AKAP12: variants seen among roughly 807,000 people sequenced by gnomAD.
AKAP12 encodes A-kinase anchoring protein 12, also known as A-kinase anchor protein 12.
In AKAP12, 32 loss-of-function variants were observed where a neutral mutation model predicts 79.9. That is an observed-to-expected ratio of 0.40 (90% CI 0.30 to 0.54). The LOEUF (loss-of-function observed/expected upper bound fraction) is 0.54, where lower values mean the gene tolerates loss of function less well. Ranked by LOEUF, AKAP12 falls within the 20% of genes least tolerant of loss-of-function variation. The pLI is 0.48. For missense variants in AKAP12, 2,074 were observed against 2,177.0 expected (o/e 0.95, Z 0.94); for synonymous variants, 808 against 857.0 (o/e 0.94, Z 1.00).
In AKAP12 at chr6:151,352,039, A is replaced by C. The variant is rs1201163118; in HGVS notation, c.3648A>C (p.Ala1216=). ...GCACAGAAGCAGAGGCAGTTCCTGC[A>C]CAGAAAGAGAGGCCTCCAGCACCTT... The part of the protein sequence containing the change: ...SGGTEAEAVP[A]QKERPPAPSS... The change falls in exon 4 of 5, where the codon GCA becomes GCC. Residue 1216 remains alanine, a synonymous_variant. Coordinates refer to ENST00000402676, the MANE Select transcript of AKAP12 (RefSeq NM_005100.4). The C allele has an allele frequency of 8.7e-6, 14 of 1,614,040 alleles. No individual in the cohort carries two copies. The highest frequency in any genetic ancestry group is 1.1e-5 in the Non-Finnish European group (13 of 1,180,036).
At chr6:151,343,797 AG>A (rs1488889134) in intron 3 of AKAP12, 2 of 288,000 alleles carry the variant, frequency 6.9e-6, no homozygotes, top group Non-Finnish European at 1.3e-5. Context: ...AAAGAAAAAA[AG>A]AAAAAAGAAA....
intron 2 of AKAP12, among the ~76,000 whole-genome samples, chr6:151,279,641 ACTGCTCGGTGAGG>A (rs1318367636): frequency 6.6e-6 from 1 of 152,068 alleles, no homozygotes; most frequent in Non-Finnish European, 1.5e-5. Context: ...GACCCTTAAC[ACTGCTCGGTGAGG>A]CATTTAAATA....
At chr6:151,275,420 A>G (rs544609121) in intron 2 of AKAP12, among the ~76,000 whole-genome samples, 2 of 152,284 alleles carry the variant, frequency 1.3e-5, no homozygotes, top group South Asian at 2.1e-4. Context: ...TTTTCCATCT[A>G]GAAAAGGGGA....
intron 2 of AKAP12, among the ~76,000 whole-genome samples, chr6:151,299,550 T>TAG (rs754668797): frequency 1.4e-4 from 21 of 152,278 alleles, no homozygotes; most frequent in Non-Finnish European, 2.5e-4. Context: ...CCTCTTCCTC[T>TAG]CCCTCTTTGT....
In AKAP12 at chr6:151,265,276, C is replaced by A. The variant is rs546546095; in HGVS notation, c.162+24552C>A. ...GTAACTCACATACCATATAGTTTACCCCTTTAAAGTGTACAGGTCAGTGGG... is the reference window on the plus strand; with the variant it reads ...GTAACTCACATACCATATAGTTTACACCTTTAAAGTGTACAGGTCAGTGGG... On this transcript the variant is annotated intron_variant, in intron 2 of 4. Coordinates refer to ENST00000402676, the MANE Select transcript of AKAP12 (RefSeq NM_005100.4). Among the ~76,000 whole-genome samples the A allele has an allele frequency of 5.4e-4, 82 of 151,486 alleles. No individual in the cohort carries two copies. The South Asian group carries it at 0.017, about 31-fold the overall frequency.
chr6:151,313,886 A>G (rs371542410), intron 3 of AKAP12, among the ~76,000 whole-genome samples: 3 of 152,170 alleles, frequency 2.0e-5, no homozygotes, highest in Non-Finnish European at 4.4e-5. Context: ...TCTGTGGCTA[A>G]TATCAATATG....
intron 3 of AKAP12, among the ~76,000 whole-genome samples, chr6:151,334,661 G>C (rs1261160770): frequency 6.8e-6 from 1 of 146,070 alleles, no homozygotes; most frequent in Non-Finnish European, 1.5e-5. Context: ...TTGCTCTGTC[G>C]CCCAGGCTGG....
intron 3 of AKAP12, among the ~76,000 whole-genome samples, chr6:151,314,745 GTAACAGTC>G (rs1159266844): frequency 6.6e-6 from 1 of 152,160 alleles, no homozygotes; most frequent in African/African-American, 2.4e-5. Context: ...GCTTGCCCAA[GTAACAGTC>G]TAAGAATTAG....
At chr6:151,255,985 C>T (rs1393529304) in intron 2 of AKAP12, among the ~76,000 whole-genome samples, 1 of 151,982 alleles carries the variant, frequency 6.6e-6, no homozygotes, top group Non-Finnish European at 1.5e-5. Context: ...TAAACATGCT[C>T]ATGTACCAGG....
chr6:151,272,779 G>T (rs554916867), intron 2 of AKAP12, among the ~76,000 whole-genome samples: 1 of 152,148 alleles, frequency 6.6e-6, no homozygotes, highest in African/African-American at 2.4e-5. Context: ...TGATCCACCC[G>T]CCTTGGCCTC....
chr6:151,324,660 G>C, intron 3 of AKAP12: 1 of 984,284 alleles, frequency 1.0e-6, no homozygotes, highest in Non-Finnish European at 1.2e-6. Context: ...GGTGTTAATG[G>C]GTCAGGCAGG....
chr6:151,342,879 C>T (rs1475490860), intron 3 of AKAP12, among the ~76,000 whole-genome samples: 1 of 152,174 alleles, frequency 6.6e-6, no homozygotes, highest in Non-Finnish European at 1.5e-5. Flanking sequence ...TCTCCTGCCT[C>T]AGCCTCCCAA....
chr6:151,319,084 C>T (rs1216108545), intron 3 of AKAP12, among the ~76,000 whole-genome samples: 2 of 152,076 alleles, frequency 1.3e-5, no homozygotes, highest in Non-Finnish European at 1.5e-5. Flanking sequence ...AATATTTATT[C>T]TACATCACTT....
At chr6:151,325,366 C>A (rs1471980616) in intron 3 of AKAP12, 4 of 985,430 alleles carry the variant, frequency 4.1e-6, no homozygotes, top group Non-Finnish European at 4.8e-6. Context: ...ATTAGTAAAT[C>A]GGTGCCAGGA....
intron 2 of AKAP12, among the ~76,000 whole-genome samples, chr6:151,300,627 G>A (rs953182377): frequency 1.3e-5 from 2 of 152,072 alleles, no homozygotes; most frequent in African/African-American, 4.8e-5. Flanking sequence ...GTTTTTCTGT[G>A]GTGCCTTGGC....
chr6:151,315,457 C>T (rs575888501), intron 3 of AKAP12, among the ~76,000 whole-genome samples: 22 of 152,182 alleles, frequency 1.4e-4, no homozygotes, highest in Non-Finnish European at 2.9e-4. Context: ...AAAGGCCCCA[C>T]CCTCTAATAT....
chr6:151,352,470 A>G lies in AKAP12; in HGVS notation c.4079A>G (p.His1360Arg). 1 of 1,614,228 alleles carries G rather than the reference A, an allele frequency of 6.2e-7. No individual in the cohort carries two copies. Among genetic ancestry groups the G allele is most frequent in the Non-Finnish European group, 8.5e-7 (1 of 1,180,038 alleles). ...CATGTGAATGAAGAGAAGCTTGAGCACGAAACAGCTGTTACCGTATCTGAA... is the reference window on the plus strand; with the variant it reads ...CATGTGAATGAAGAGAAGCTTGAGCGCGAAACAGCTGTTACCGTATCTGAA... ...PTHVNEEKLE[H>R]ETAVTVSEEV... Residue 1360 changes from histidine (H) to arginine (R), a missense_variant, in exon 4 of 5, where the codon CAC becomes CGC. Physicochemically the swap from His to Arg is conservative, Grantham distance 29. This residue lies in a region of AKAP12 where 614 missense variants were observed against 665.6 expected (regional missense o/e 0.92). Transcript: ENST00000402676.
At chr6:151,297,665 G>A (rs562253242) in intron 2 of AKAP12, among the ~76,000 whole-genome samples, 4 of 151,826 alleles carry the variant, frequency 2.6e-5, no homozygotes, top group African/African-American at 4.8e-5. Flanking sequence ...ACGTGTAGCC[G>A]TACCCATGTC....
chr6:151,293,727 G>A (rs917336255), intron 2 of AKAP12, among the ~76,000 whole-genome samples: 1 of 152,196 alleles, frequency 6.6e-6, no homozygotes, highest in African/African-American at 2.4e-5. Flanking sequence ...GAAGCTTAAG[G>A]AGAGAGTAAG....
Sources: allele counts gnomAD v4.1 joint callset (sites outside exome capture counted in the v4.1 genomes callset), GRCh38; gene constraint gnomAD v4.1.1; regional missense constraint gnomAD v4.1.1; transcripts MANE v1.5; gene names NCBI Gene and HGNC (gene_info 2026-07-23, HGNC 2026-07-21).